The following SMOC2 variants were observed in gnomAD, a reference collection of about 807,000 sequenced individuals.
SMOC2 encodes SPARC related modular calcium binding 2.
In SMOC2, 39 loss-of-function variants were observed where a neutral mutation model predicts 61.4. The ratio of observed to expected loss-of-function variants is 0.64; its 90% CI spans 0.49 to 0.83. The LOEUF is 0.83. SMOC2 is among the 40% of genes least tolerant of loss of function. The pLI is 0.00. For synonymous variants in SMOC2, 247 were observed against 239.9 expected, an observed-to-expected ratio of 1.03 and a Z score of -0.27; for missense variants, 556 against 592.9, an observed-to-expected ratio of 0.94 and a Z score of 0.65.
chr6:168,560,198 A>G lies in SMOC2; in HGVS notation c.637+10995A>G, dbSNP rs573359348. 2.2e-4 allele frequency among the ~76,000 whole-genome samples: 33 copies of G among 152,360 alleles called. No homozygotes were observed. In the South Asian group the frequency reaches 6.6e-3, roughly 31 times the overall value. The stretch of plus-strand genomic sequence containing the variant: ...TGCAGCCTACATTTGTGTCTCAGAT[A>G]AAATCTAGTATAGACATGGATCTCT... On this transcript the variant is annotated intron_variant, in intron 7 of 12. Transcript: ENST00000356284.
At chr6:168,664,205 TTCCAAGAAAA>T (rs149700404) in intron 12 of SMOC2, 94 bp downstream of exon 12, 139,668 of 956,994 alleles carry the variant, frequency 0.15, 12,553 homozygotes, top group African/African-American at 0.28. Context: ...GGCCAGTACC[TTCCAAGAAAA>T]TCCAAGAAAA....
chr6:168,461,686 C>T (rs144995199), intron 1 of SMOC2, among the ~76,000 whole-genome samples: 153 of 152,260 alleles, frequency 1.0e-3, no homozygotes, highest in Non-Finnish European at 1.8e-3. Context: ...TCGGGTCAAG[C>T]GTCACTATTT....
At chr6:168,545,255 C>T (rs1397315928) in intron 5 of SMOC2, among the ~76,000 whole-genome samples, 1 of 138,632 alleles carries the variant, frequency 7.2e-6, no homozygotes, top group African/African-American at 3.4e-5. Flanking sequence ...ATTGTACCCA[C>T]TGTAAAAAAA....
At chr6:168,485,214 A>T (rs1442755434) in intron 1 of SMOC2, among the ~76,000 whole-genome samples, 1 of 152,176 alleles carries the variant, frequency 6.6e-6, no homozygotes, top group African/African-American at 2.4e-5. Flanking sequence ...GATATGGAAA[A>T]ACCCTCATAT....
In SMOC2 at chr6:168,650,518, T is replaced by C. The variant is rs535273512; in HGVS notation, c.908-163T>C. ...AATTAATAATAGCTATGGCTCAAAA[T>C]CAATATATATAATGCAATGTGTTTG... On this transcript the variant is annotated intron_variant, in intron 9 of 12. Coordinates refer to ENST00000356284, the MANE Select transcript of SMOC2 (RefSeq NM_001166412.2). 5.9e-5 allele frequency among the ~76,000 whole-genome samples: 9 copies of C among 152,312 alleles called. No individual in the cohort carries two copies. In the South Asian group the frequency reaches 1.9e-3, roughly 32 times the overall value.
At chr6:168,450,240 AT>A in intron 1 of SMOC2, among the ~76,000 whole-genome samples, 1 of 152,236 alleles carries the variant, frequency 6.6e-6, no homozygotes, top group Non-Finnish European at 1.5e-5. Flanking sequence ...TAATGTGAGC[AT>A]TCTGGTGGCC....
At chr6:168,542,646 G>C (rs1034979291) in intron 4 of SMOC2, among the ~76,000 whole-genome samples, 2 of 152,068 alleles carry the variant, frequency 1.3e-5, no homozygotes, top group South Asian at 2.1e-4. Context: ...TGGGCACTGT[G>C]ACCTCGAGGC....
intron 1 of SMOC2, among the ~76,000 whole-genome samples, chr6:168,494,472 C>G (rs1340911140): frequency 6.6e-6 from 1 of 152,232 alleles, no homozygotes; most frequent in Non-Finnish European, 1.5e-5. Context: ...AGCCGAAACA[C>G]TTTACTAGGG....
chr6:168,567,564 T>C (rs1562352711), intron 7 of SMOC2, among the ~76,000 whole-genome samples: 1 of 152,188 alleles, frequency 6.6e-6, no homozygotes, highest in East Asian at 1.9e-4. Context: ...ATATGCTCAA[T>C]AAAATATTGA....
intron 7 of SMOC2, among the ~76,000 whole-genome samples, chr6:168,586,215 T>G (rs1255880945): frequency 2.0e-5 from 3 of 152,216 alleles, no homozygotes; most frequent in Non-Finnish European, 4.4e-5. Context: ...GATATCTCAT[T>G]GTTGTAGAAT....
intron 9 of SMOC2, among the ~76,000 whole-genome samples, chr6:168,635,534 T>C (rs1459047704): frequency 1.3e-5 from 2 of 152,194 alleles, no homozygotes; most frequent in African/African-American, 4.8e-5. Context: ...TTTAGGTTCA[T>C]CTGTCTAAAG....
intron 9 of SMOC2, among the ~76,000 whole-genome samples, chr6:168,638,947 C>T (rs1016573201): frequency 4.6e-5 from 7 of 152,118 alleles, no homozygotes; most frequent in East Asian, 1.9e-4. Flanking sequence ...GCATGAGCCC[C>T]GAGAGGAGAA....
chr6:168,582,929 C>T (rs1352631683), intron 7 of SMOC2, among the ~76,000 whole-genome samples: 2 of 152,088 alleles, frequency 1.3e-5, no homozygotes, highest in African/African-American at 4.8e-5. Context: ...GTGGCGCCCT[C>T]TCACCCCCGC....
chr6:168,473,836 C>T (rs554371919), intron 1 of SMOC2, among the ~76,000 whole-genome samples: 8 of 151,954 alleles, frequency 5.3e-5, no homozygotes, highest in African/African-American at 1.9e-4. Context: ...TGGGTGTGAG[C>T]GTGTGTGTGA....
At chr6:168,530,628 C>G (rs768345113) in intron 4 of SMOC2, among the ~76,000 whole-genome samples, 1 of 134,358 alleles carries the variant, frequency 7.4e-6, no homozygotes, top group Admixed American at 8.4e-5. Flanking sequence ...AAATTAAAGT[C>G]ACGGTGCAAC....
At chr6:168,510,751 G>A (rs1022000057) in intron 2 of SMOC2, among the ~76,000 whole-genome samples, 12 of 152,234 alleles carry the variant, frequency 7.9e-5, no homozygotes, top group African/African-American at 2.7e-4. Context: ...CTGCAAACCA[G>A]CACTGAGTGC....
intron 9 of SMOC2, among the ~76,000 whole-genome samples, chr6:168,642,692 AG>A (rs1786923273): frequency 6.6e-6 from 1 of 152,134 alleles, no homozygotes; most frequent in Non-Finnish European, 1.5e-5. Flanking sequence ...CTCAGTTTGG[AG>A]GGGGGTTTAT....
chr6:168,562,235 T>C (rs867740482), intron 7 of SMOC2, among the ~76,000 whole-genome samples: 80 of 94,694 alleles, frequency 8.4e-4, no homozygotes, highest in South Asian at 2.4e-3. Context: ...GCTCTCACTG[T>C]GTTCTCGGAG....
chr6:168,644,671 A>G (rs542750441), intron 9 of SMOC2, among the ~76,000 whole-genome samples: 15 of 126,688 alleles, frequency 1.2e-4, no homozygotes, highest in Non-Finnish European at 1.9e-4. Flanking sequence ...TTTTTTTGAG[A>G]CAGAGTCTCG....
Sources: allele counts gnomAD v4.1 joint callset (sites outside exome capture counted in the v4.1 genomes callset), GRCh38; gene constraint gnomAD v4.1.1; transcripts MANE v1.5; gene names NCBI Gene and HGNC (gene_info 2026-07-23, HGNC 2026-07-21).